PDE4A: variants seen among roughly 807,000 people sequenced by gnomAD.
PDE4A encodes phosphodiesterase 4A.
Under a neutral mutation model 73.9 loss-of-function variants are expected in PDE4A, and 21 were observed. The observed-to-expected ratio is 0.28, with a 90% CI of 0.20 to 0.41. PDE4A has a LOEUF of 0.41. Among genes scored for constraint, PDE4A ranks in the 10% least tolerant of loss-of-function variants. The pLI is 1.00. For missense variants in PDE4A, 958 were observed against 1,211.4 expected (o/e 0.79, Z 3.10); for synonymous variants, 463 against 505.4 (o/e 0.92, Z 1.13).
Position 10,461,919 on chromosome 19 carries a change from G to C in PDE4A, c.1663G>C (p.Asp555His), listed in dbSNP as rs1322666631. 1 of 1,614,072 alleles carries C rather than the reference G, an allele frequency of 6.2e-7. No homozygotes were observed. Among genetic ancestry groups the C allele is most frequent in the Non-Finnish European group, 8.5e-7 (1 of 1,180,008 alleles). ...DMSKHMTLLADLKTMVETKKV... is the reference protein window; with the variant it reads ...DMSKHMTLLAHLKTMVETKKV... ...GTCCAAGCACATGACCCTCCTGGCT[G>C]ACCTGAAGACCATGGTGGAGACCAA... is the stretch of plus-strand genomic sequence containing the variant. Residue 555 changes from aspartate (D) to histidine (H), a missense_variant, in exon 13 of 15, where the codon GAC becomes CAC. By Grantham distance (81) the Asp-to-His change is moderately conservative (BLOSUM62 -1). This residue lies in a region of PDE4A where 570 missense variants were observed against 827.7 expected (regional missense o/e 0.69). Transcript: ENST00000380702.
chr19:10,431,821 C>G (rs2042792026), intron 1 of PDE4A, among the ~76,000 whole-genome samples: 1 of 152,062 alleles, frequency 6.6e-6, no homozygotes, highest in South Asian at 2.1e-4. Context: ...CCTTTGGGAG[C>G]CCCGCGTGGG....
chr19:10,420,507 G>C (rs113632821), upstream of PDE4A: 14 of 1,039,230 alleles, frequency 1.3e-5, no homozygotes, highest in South Asian at 2.3e-4. This position sits in a 1 kb window ranked among gnomAD's most constrained non-coding sequence, Gnocchi z 6.0. Context: ...GGCGCCGAGC[G>C]GGCCGCGGAA....
Position 10,446,206 on chromosome 19 carries a change from C to T in PDE4A, c.321-12C>T. On this transcript the variant is annotated splice_polypyrimidine_tract_variant and intron_variant, in intron 1 of 14. Coordinates refer to ENST00000380702, the MANE Select transcript of PDE4A (RefSeq NM_001111307.2). ...CAGCCTCCTGACCCCTCTTCTCGCC[C>T]ATCCCCTGCAGCTTCGAGGCAGAGA... The T allele has an allele frequency of 6.4e-7, 1 of 1,555,866 alleles. No individual in the cohort carries two copies. The highest frequency in any genetic ancestry group is 8.7e-7 in the Non-Finnish European group (1 of 1,149,548).
chr19:10,463,766 T>G, intron 13 of PDE4A, 27 bp from the exon 14 acceptor site: 1 of 1,612,064 alleles, frequency 6.2e-7, no homozygotes, highest in Non-Finnish European at 8.5e-7. Context: ...GCCTCTGAAG[T>G]TTCCCCTGTG....
At chr19:10,430,208 GA>G (rs1243433450) in intron 1 of PDE4A, among the ~76,000 whole-genome samples, 2 of 151,968 alleles carry the variant, frequency 1.3e-5, no homozygotes, top group Admixed American at 6.6e-5. Context: ...GAGTTTGTGG[GA>G]GTGCCCCCAG....
chr19:10,446,439 C>G, intron 2 of PDE4A, 30 bp downstream of exon 2: 2 of 1,590,648 alleles, frequency 1.3e-6, no homozygotes, highest in Non-Finnish European at 1.7e-6. Flanking sequence ...CATGCCAGTT[C>G]CCCCAGGCCT....
intron 7 of PDE4A, among the ~76,000 whole-genome samples, chr19:10,457,438 G>T (rs1421841954): frequency 5.8e-5 from 8 of 138,182 alleles, no homozygotes; most frequent in Non-Finnish European, 8.0e-5. Context: ...GGGCGGGGGG[G>T]GGGGGGGGCA....
intron 1 of PDE4A, among the ~76,000 whole-genome samples, chr19:10,435,073 C>T (rs923300952): frequency 2.6e-5 from 4 of 151,876 alleles, no homozygotes; most frequent in African/African-American, 4.8e-5. Flanking sequence ...TCGTTTCCCC[C>T]GCCCCCGCTC....
chr19:10,432,255 C>A (rs578197220), intron 1 of PDE4A, among the ~76,000 whole-genome samples: 1 of 151,846 alleles, frequency 6.6e-6, no homozygotes, highest in East Asian at 1.9e-4. Context: ...CGTGCGCTCC[C>A]CTCCCCCGTG....
chr19:10,434,792 T>C (rs1250924180), intron 1 of PDE4A, among the ~76,000 whole-genome samples: 1 of 151,698 alleles, frequency 6.6e-6, no homozygotes, highest in African/African-American at 2.4e-5. Context: ...GGTTTCCCCA[T>C]GTTGGCCAGG....
rs188097436 is a variant in PDE4A, at chr19:10,444,759, G to T, written c.321-1459G>T. 1.6e-3 allele frequency among the ~76,000 whole-genome samples: 233 copies of T among 149,984 alleles called. 2 individuals carry two copies. Among genetic ancestry groups the T allele is most frequent in the African/African-American group, 5.5e-3 (225 of 40,798 alleles). On this transcript the variant is annotated intron_variant, in intron 1 of 14. Coordinates refer to ENST00000380702, the MANE Select transcript of PDE4A (RefSeq NM_001111307.2). ...GATCTTGGCCCTCACTGCAACCTCC[G>T]TTTCCTGGGTTCAAGTGATTCTCCT... is the stretch of plus-strand genomic sequence containing the variant.
rs200838154 is a variant in PDE4A at position 10,467,508 on chromosome 19, C to T, written c.2548C>T (p.Arg850Ter). The T allele has an allele frequency of 1.2e-6, 2 of 1,612,794 alleles. No homozygotes were observed. Among genetic ancestry groups the T allele is most frequent in the Non-Finnish European group, 1.7e-6 (2 of 1,179,808 alleles). The change falls in exon 15 of 15, where the codon CGA becomes TGA. Residue 850 changes from arginine (R) to a stop codon, truncating the protein, a stop_gained. Coordinates refer to ENST00000380702, the MANE Select transcript of PDE4A (RefSeq NM_001111307.2). LOFTEE classifies it low-confidence loss of function (END_TRUNC). ...PSTAAEVEAQ[R>*]EHQAAKRACS... is the part of the protein sequence containing the mutation. ...CACGGCGGCCGAGGTGGAGGCCCAA[C>T]GAGAGCACCAGGCTGCCAAGAGGGC... is the stretch of plus-strand genomic sequence containing the variant.
chr19:10,427,510 G>A (rs1352405754), intron 1 of PDE4A: 1 of 985,272 alleles, frequency 1.0e-6, no homozygotes, highest in Non-Finnish European at 1.2e-6. Context: ...AGACCATTAG[G>A]CCATGATCAA....
intron 14 of PDE4A, 125 bp downstream of exon 14, chr19:10,464,100 G>C (rs1241305771): frequency 1.5e-6 from 2 of 1,294,146 alleles, no homozygotes; most frequent in African/African-American, 1.5e-5. Context: ...CCTGTTTTTG[G>C]TTTTGTTTTG....
chr19:10,450,747 G>A (rs1042931741), intron 5 of PDE4A, 82 bp from the exon 6 acceptor site: 4 of 1,580,412 alleles, frequency 2.5e-6, no homozygotes, highest in African/African-American at 2.7e-5. Flanking sequence ...CTCACCTGGC[G>A]AACCCCGTCA....
At chr19:10,457,499 C>T (rs1489523644) in intron 7 of PDE4A, among the ~76,000 whole-genome samples, 2 of 151,722 alleles carry the variant, frequency 1.3e-5, no homozygotes, top group Non-Finnish European at 2.9e-5. Context: ...AGTGATGCCA[C>T]CCCCCACACC....
At chr19:10,445,050 C>T (rs2042985773) in intron 1 of PDE4A, among the ~76,000 whole-genome samples, 1 of 152,114 alleles carries the variant, frequency 6.6e-6, no homozygotes, top group South Asian at 2.1e-4. Context: ...AAGGGAAAGT[C>T]GTGGGACAGG....
At chr19:10,428,731 A>G (rs1189039612) in intron 1 of PDE4A, 5 of 973,370 alleles carry the variant, frequency 5.1e-6, no homozygotes, top group Non-Finnish European at 2.4e-6. Flanking sequence ...TCAAATGGCT[A>G]AGAAGTGCCA....
rs2043314860 is a variant in PDE4A at position 10,463,710 on chromosome 19, T to TA, written c.1744-77dup. On this transcript the variant is annotated intron_variant, in intron 13 of 14. Transcript: ENST00000380702. ...GCCACAGTGCCTGGCCCCCATTTCT[T>TA]AAAAAAGAAGGAATGCCTGAGGTCT... The TA allele has an allele frequency of 1.9e-6, 3 of 1,576,590 alleles. No homozygotes were observed. The East Asian group carries it at 6.8e-5, about 36-fold the overall frequency.
Sources: gnomAD v4.1 joint callset for allele counts (sites outside exome capture counted in the v4.1 genomes callset) on GRCh38, gnomAD v4.1.1 for gene constraint, gnomAD v4.1.1 regional missense constraint, Gnocchi (gnomAD v3.1) non-coding constraint, MANE v1.5 for transcripts, NCBI Gene and HGNC (gene_info 2026-07-23, HGNC 2026-07-21) for gene names.